HERC2: variants seen among roughly 807,000 people sequenced by gnomAD.
HERC2 encodes HECT and RLD domain containing E3 ubiquitin protein ligase 2.
Under a neutral mutation model 537.7 loss-of-function variants are expected in HERC2, and 102 were observed. The ratio of observed to expected loss-of-function variants is 0.19; its 90% confidence interval spans 0.16 to 0.22. The LOEUF is 0.22. HERC2 is among the 10% of genes least tolerant of loss of function. The pLI, the probability that HERC2 is intolerant of heterozygous loss-of-function variation, is 1.00. For synonymous variants in HERC2, 2,224 were observed against 2,466.2 expected (o/e 0.90, Z 2.91); for missense variants, 4,236 against 6,198.2 (o/e 0.68, Z 10.63).
intron 4 of HERC2, among the ~76,000 whole-genome samples, chr15:28,281,246 A>G (rs1567112687): frequency 6.6e-6 from 1 of 152,224 alleles, no homozygotes; most frequent in Non-Finnish European, 1.5e-5. Context: ...AGGCAATCAC[A>G]GGACTGAAAA....
At chr15:28,302,091 C>G (rs2076653248) in intron 2 of HERC2, among the ~76,000 whole-genome samples, 1 of 148,254 alleles carries the variant, frequency 6.7e-6, no homozygotes, top group South Asian at 2.2e-4. Context: ...AGCCACTGTG[C>G]CCAGCCCTAT....
rs2075776618 is a variant in HERC2 at position 28,272,891 on chromosome 15, C to T, written c.911+3G>A. ...AAGCGTTCCCGTCTGCGGCAGCCCT[C>T]ACCTCAGCGTGCCTCTCTGCACAGC... On this transcript the variant is annotated splice_donor_region_variant and intron_variant, in intron 8 of 92. Transcript: ENST00000261609. 1 of 1,604,930 alleles carries T rather than the reference C, an allele frequency of 6.2e-7. No homozygotes were observed. Among genetic ancestry groups the T allele is most frequent in the South Asian group, 1.1e-5 (1 of 90,906 alleles).
chr15:28,122,168 G>A lies in HERC2; in HGVS notation c.13189-739C>T, dbSNP rs187488319. Among the ~76,000 whole-genome samples, 1 of 152,332 alleles carries A rather than the reference G, an allele frequency of 6.6e-6. No individual in the cohort carries two copies. Among genetic ancestry groups the A allele is most frequent in the African/African-American group, 2.4e-5 (1 of 41,584 alleles). On this transcript the variant is annotated intron_variant, in intron 85 of 92. Coordinates refer to ENST00000261609, the MANE Select transcript of HERC2 (RefSeq NM_004667.6). This position sits in a 1 kb window ranked among gnomAD's most constrained non-coding sequence, Gnocchi z 4.1. ...CTAAAAGAAATCGGGAGTGCCTGGG[G>A]TGAAGACAGCAGGGCGTGGCCAAAC...
chr15:28,141,451 G>T lies in HERC2; in HGVS notation c.11996C>A (p.Ala3999Asp). 1 of 1,614,122 alleles carries T rather than the reference G, an allele frequency of 6.2e-7. No individual in the cohort carries two copies. Among genetic ancestry groups the T allele is most frequent in the Non-Finnish European group, 8.5e-7 (1 of 1,180,010 alleles). The change falls in exon 78 of 93, where the codon GCT becomes GAT. Residue 3999 changes from alanine (A) to aspartate (D), a missense_variant. Around this residue, in one of 27 missense-constraint regions of HERC2, gnomAD observed 43 missense variants for 82.6 expected, o/e 0.52. Coordinates refer to ENST00000261609, the MANE Select transcript of HERC2 (RefSeq NM_004667.6). ...TCTTACCTTCCCATCAGCCGTCACA[G>T]CAAAGAGGGTCTGTTCCCCTCCGAT... ...QLIGGEQTLF[A>D]VTADGKLYAT...
intron 24 of HERC2, 140 bp from the exon 25 acceptor site, chr15:28,238,357 C>T: frequency 1.2e-6 from 1 of 801,626 alleles, no homozygotes; most frequent in Non-Finnish European, 2.1e-6. Context: ...TCTACTGTCT[C>T]CCAGGGTTGC....
chr15:28,269,138 G>T, intron 11 of HERC2, 110 bp downstream of exon 11: 1 of 772,242 alleles, frequency 1.3e-6, no homozygotes, highest in Non-Finnish European at 2.0e-6. Flanking sequence ...ACAGAACTTT[G>T]TCAATCTTCA....
chr15:28,306,827 T>A (rs1246255946), intron 2 of HERC2, among the ~76,000 whole-genome samples: 1 of 152,158 alleles, frequency 6.6e-6, no homozygotes, highest in East Asian at 1.9e-4. Flanking sequence ...TGTGAAATTA[T>A]CCATTTCTTT....
intron 14 of HERC2, 145 bp from the exon 15 acceptor site, chr15:28,263,314 A>ATAG: frequency 1.3e-6 from 1 of 785,596 alleles, no homozygotes; most frequent in Non-Finnish European, 2.0e-6. Flanking sequence ...GCTACTGAGC[A>ATAG]AACGAAATCT....
chr15:28,183,563 G>GA (rs1163778308), intron 56 of HERC2, among the ~76,000 whole-genome samples: 1 of 152,178 alleles, frequency 6.6e-6, no homozygotes, highest in Admixed American at 6.5e-5. Context: ...CTTGCAACTT[G>GA]AAAAGAGTAC....
rs1293778752 is a variant in HERC2, at chr15:28,198,423, A to C, written c.7966T>G (p.Tyr2656Asp). The change falls in exon 50 of 93, where the codon TAC becomes GAC. Residue 2656 changes from tyrosine to aspartate, a missense_variant. By Grantham distance (160) the Tyr-to-Asp change is radical (BLOSUM62 -3). Coordinates refer to ENST00000261609, the MANE Select transcript of HERC2 (RefSeq NM_004667.6). ...RVKASVTTPK[Y>D]KWGSVTHQSV... ...TGATGAGTCACAGATCCCCATTTGT[A>C]TTTTGGTGTGGTGACAGAGGCTTTG... The C allele has an allele frequency of 6.2e-7, 1 of 1,613,200 alleles. No individual in the cohort carries two copies.
chr15:28,240,874 C>T (rs909878838), intron 23 of HERC2, among the ~76,000 whole-genome samples: 19 of 152,128 alleles, frequency 1.2e-4, no homozygotes, highest in African/African-American at 3.4e-4. Flanking sequence ...CCTTACCTTA[C>T]GCCACACACA....
At position 28,135,703 on chromosome 15, in the gene HERC2, A is replaced by G; in HGVS notation, c.12016-11T>C. The stretch of plus-strand genomic sequence containing the variant: ...CCCAGTGGCATACAGCTAAGAAAAG[A>G]AAAAGCAATAGTAACATCAGTTTTT... On this transcript the variant is annotated splice_polypyrimidine_tract_variant and intron_variant, in intron 78 of 92. Transcript: ENST00000261609. 6.2e-7 allele frequency: 1 copy of G among 1,600,066 alleles called. No homozygotes were observed. The highest frequency in any genetic ancestry group is 8.6e-7 in the Non-Finnish European group (1 of 1,168,190).
intron 35 of HERC2, among the ~76,000 whole-genome samples, chr15:28,224,216 C>A (rs541209862): frequency 6.7e-6 from 1 of 150,302 alleles, no homozygotes; most frequent in African/African-American, 2.4e-5. Context: ...TAGAAAGATT[C>A]CCCCCACCCC....
chr15:28,279,946 A>G (rs1412326263), intron 5 of HERC2, 122 bp downstream of exon 5: 2 of 750,760 alleles, frequency 2.7e-6, no homozygotes, highest in East Asian at 5.4e-5. Flanking sequence ...AAAAAGGGAA[A>G]GCAAGAATAA....
intron 77 of HERC2, 41 bp downstream of exon 77, chr15:28,141,690 C>A: frequency 6.2e-7 from 1 of 1,610,548 alleles, no homozygotes; most frequent in Non-Finnish European, 8.5e-7. Flanking sequence ...CAGCCTCTCA[C>A]ACTCACGATC....
chr15:28,126,706 C>T lies in HERC2; in HGVS notation c.12803-1513G>A, dbSNP rs562040385. Reference sequence around the variant, plus strand: ...AATGACACAATGGACTTTGGAGACTCGGGGGAAAGGGTAGGAGAGGAGTGA... The same window carrying T: ...AATGACACAATGGACTTTGGAGACTTGGGGGAAAGGGTAGGAGAGGAGTGA... On this transcript the variant is annotated intron_variant, in intron 83 of 92. Coordinates refer to ENST00000261609, the MANE Select transcript of HERC2 (RefSeq NM_004667.6). Among the ~76,000 whole-genome samples the T allele has an allele frequency of 5.9e-5, 9 of 152,102 alleles. No individual in the cohort carries two copies. The South Asian group carries it at 1.7e-3, about 28-fold the overall frequency.
intron 70 of HERC2, among the ~76,000 whole-genome samples, chr15:28,147,575 T>C (rs1433276229): frequency 1.3e-5 from 2 of 152,056 alleles, no homozygotes. Flanking sequence ...AGTTTGGGGC[T>C]GTAGTGAGCC....
At position 28,144,690 on chromosome 15, in the gene HERC2, G is replaced by A. The variant is rs754978086; in HGVS notation, c.11123C>T (p.Pro3708Leu). 1.9e-6 allele frequency: 3 copies of A among 1,614,044 alleles called. No individual in the cohort carries two copies. The highest frequency in any genetic ancestry group is 2.5e-6 in the Non-Finnish European group (3 of 1,180,044). Residue 3708 changes from proline (P) to leucine (L), a missense_variant, in exon 72 of 93, where the codon CCC (proline) becomes CTC (leucine). Physicochemically the swap from Pro to Leu is moderately conservative, Grantham distance 98. Transcript: ENST00000261609. ...TTCCTTACCAGCAGCTGGCATGATGGGATAGACGGTGAAGCGCCAGCCCCA... is the reference window on the plus strand; with the variant it reads ...TTCCTTACCAGCAGCTGGCATGATGAGATAGACGGTGAAGCGCCAGCCCCA... ...NGWGWRFTVY[P>L]IMPAAGPKEL... is the part of the protein sequence containing the mutation.
In HERC2 at chr15:28,176,715, G is replaced by A. The variant is rs752069516; in HGVS notation, c.9486C>T (p.Asp3162=). Residue 3162 remains aspartate (D), a synonymous_variant, in exon 62 of 93, where the codon GAC becomes GAT. Transcript: ENST00000261609. The surrounding 1 kb of genome is among the most constrained non-coding windows in gnomAD (Gnocchi z 5.0). ...RVIQVACGSR[D]AQTLALTDEG... ...CATCGGTCAGAGCCAGGGTCTGCGCGTCTCTACTCCCACATGCAACCTGGA... is the reference window on the plus strand; with the variant it reads ...CATCGGTCAGAGCCAGGGTCTGCGCATCTCTACTCCCACATGCAACCTGGA... 2.7e-5 allele frequency: 44 copies of A among 1,613,898 alleles called. No individual in the cohort carries two copies. The highest frequency in any genetic ancestry group is 2.6e-4 in the South Asian group (24 of 91,062).
Sources: allele counts gnomAD v4.1 joint callset (sites outside exome capture counted in the v4.1 genomes callset), GRCh38; gene constraint gnomAD v4.1.1; regional missense constraint gnomAD v4.1.1; non-coding constraint Gnocchi (gnomAD v3.1); transcripts MANE v1.5; gene names NCBI Gene and HGNC (gene_info 2026-07-23, HGNC 2026-07-21).